PIP5K1A: variants seen among roughly 807,000 people sequenced by gnomAD.
PIP5K1A encodes the protein phosphatidylinositol-4-phosphate 5-kinase type 1 alpha.
In PIP5K1A, 46 loss-of-function variants were observed where a neutral mutation model predicts 72.9. That is an observed-to-expected ratio of 0.63 (90% CI 0.50 to 0.81). The LOEUF (loss-of-function observed/expected upper bound fraction) is 0.81. Ranked by LOEUF, PIP5K1A falls within the 30% of genes least tolerant of loss-of-function variation. The pLI, the probability that PIP5K1A is intolerant of heterozygous loss-of-function variation, is 0.00. For missense variants in PIP5K1A, 458 were observed against 706.1 expected, an observed-to-expected ratio of 0.65 and a Z score of 3.98; for synonymous variants, 228 against 255.1, an observed-to-expected ratio of 0.89 and a Z score of 1.01.
At chr1:151,221,568 T>A (rs376876965) in intron 1 of PIP5K1A, among the ~76,000 whole-genome samples, 10 of 152,318 alleles carry the variant, frequency 6.6e-5, no homozygotes, top group African/African-American at 2.2e-4. Flanking sequence ...GGTCTCAAGA[T>A]TCTCAGACAA....
intron 1 of PIP5K1A, among the ~76,000 whole-genome samples, chr1:151,201,476 A>G (rs1685206882): frequency 6.6e-6 from 1 of 151,884 alleles, no homozygotes; most frequent in Non-Finnish European, 1.5e-5. Context: ...CAGTCTCCCA[A>G]GTAGCTGGGA....
In PIP5K1A at chr1:151,227,394, T is replaced by C; in HGVS notation, c.231T>C (p.Tyr77=). 1 of 1,608,622 alleles carries C rather than the reference T, an allele frequency of 6.2e-7. No individual in the cohort carries two copies. The highest frequency in any genetic ancestry group is 8.5e-7 in the Non-Finnish European group (1 of 1,175,180). ...TTGATTCCTCAGGAGAGACAACATA[T>C]AAAAAGGTGTGTCTGGATGAAACCG... ...RSVDSSGETT[Y]KKTTSSALKG... is the part of the protein sequence containing the mutation. The change falls in exon 4 of 16, where the codon TAT becomes TAC. Residue 77 remains tyrosine, a synonymous_variant. Transcript: ENST00000368888.
intron 1 of PIP5K1A, among the ~76,000 whole-genome samples, chr1:151,207,768 G>A (rs1339374626): frequency 2.0e-5 from 3 of 151,558 alleles, no homozygotes; most frequent in Admixed American, 2.0e-4. Context: ...CTGACCTCGT[G>A]ATCTGCCTGC....
intron 4 of PIP5K1A, among the ~76,000 whole-genome samples, chr1:151,229,169 A>G (rs1689627120): frequency 1.5e-5 from 2 of 129,118 alleles, no homozygotes; most frequent in Non-Finnish European, 3.2e-5. Context: ...CCCCGTCTCA[A>G]AAAAAAAAAA....
chr1:151,219,673 G>C (rs959183209), intron 1 of PIP5K1A, among the ~76,000 whole-genome samples: 7 of 151,632 alleles, frequency 4.6e-5, no homozygotes, highest in African/African-American at 1.7e-4. Context: ...CAGTCTGGGC[G>C]ACAAGAGTGA....
intron 1 of PIP5K1A, among the ~76,000 whole-genome samples, chr1:151,210,176 GCCCGCCCTC>G (rs2102055882): frequency 6.6e-6 from 1 of 151,392 alleles, no homozygotes; most frequent in African/African-American, 2.4e-5. Flanking sequence ...GAGCCACTGC[GCCCGCCCTC>G]CCCGGCCCCC....
chr1:151,232,301 C>T lies in PIP5K1A; in HGVS notation c.422C>T (p.Thr141Ile). Residue 141 changes from threonine to isoleucine, a missense_variant, in exon 6 of 16, where the codon ACC becomes ATC. Transcript: ENST00000368888. ...AHHYNDFRFK[T>I]YAPVAFRYFR... Reference sequence around the variant, plus strand: ...CACTACAATGACTTTCGTTTCAAGACCTATGCACCTGTTGCCTTCCGCTAC... The same window carrying T: ...CACTACAATGACTTTCGTTTCAAGATCTATGCACCTGTTGCCTTCCGCTAC... 2 of 1,614,164 alleles carry T rather than the reference C, an allele frequency of 1.2e-6. No homozygotes were observed. The highest frequency in any genetic ancestry group is 1.7e-6 in the Non-Finnish European group (2 of 1,179,998).
chr1:151,232,225 G>A, intron 5 of PIP5K1A, 23 bp from the exon 6 acceptor site: 1 of 1,509,944 alleles, frequency 6.6e-7, no homozygotes, highest in South Asian at 1.1e-5. Flanking sequence ...GCAAGTTATG[G>A]CTACCTCTGT....
In PIP5K1A at chr1:151,241,800, C is replaced by CA. The variant is rs201895156; in HGVS notation, c.1364-306dup. On this transcript the variant is annotated intron_variant, in intron 12 of 15. Transcript: ENST00000368888. ...GGGCAACAAGAGCGAAACTCCATCT[C>CA]AAAAAAAAAAAAAAAAAGGAATTAT... Among the ~76,000 whole-genome samples, 583 of 59,822 alleles carry CA rather than the reference C, an allele frequency of 9.7e-3. 3 individuals are homozygous for CA. Among genetic ancestry groups the CA allele is most frequent in the Middle Eastern group, 0.037 (3 of 80 alleles). 39.2% of individuals were successfully genotyped at this position (59,822 alleles called of 152,430 possible).
chr1:151,241,268 G>A (rs587594456), intron 12 of PIP5K1A, among the ~76,000 whole-genome samples: 4 of 152,250 alleles, frequency 2.6e-5, no homozygotes, highest in South Asian at 2.1e-4. Flanking sequence ...TTAGGAGGCC[G>A]AGGAGGGCAG....
rs1393368735 is a variant in PIP5K1A at position 151,198,588 on chromosome 1, G to T, written c.-409G>T. 9.6e-6 allele frequency: 2 copies of T among 207,366 alleles called. No individual in the cohort carries two copies. The highest frequency in any genetic ancestry group is 1.0e-5 in the Non-Finnish European group (1 of 100,500). The allele number at this position is 207,366 out of a possible 1,614,324, so 12.8% of individuals were successfully genotyped here. On this transcript the variant is annotated 5_prime_UTR_variant, in exon 1 of 16. Coordinates refer to ENST00000368888, the MANE Select transcript of PIP5K1A (RefSeq NM_001135638.2). Reference sequence around the variant, plus strand: ...TGGCTACCCGGAGTGAAGCGGCCGGGTTGGGCGATTAACAGGCCGTGGTTA... The same window carrying T: ...TGGCTACCCGGAGTGAAGCGGCCGGTTTGGGCGATTAACAGGCCGTGGTTA...
At chr1:151,235,209 A>G (rs587685113) in intron 8 of PIP5K1A, among the ~76,000 whole-genome samples, 5 of 152,162 alleles carry the variant, frequency 3.3e-5, no homozygotes, top group African/African-American at 7.2e-5. Flanking sequence ...CAGCCTCCCA[A>G]GTAGCTGGGA....
Position 151,249,283 on chromosome 1 carries a change from GAATT to G in PIP5K1A, c.*1419_*1422del, listed in dbSNP as rs970599383. On this transcript the variant is annotated 3_prime_UTR_variant, in exon 16 of 16. Transcript: ENST00000368888. ...TGCCATGTTTTTTACAAGAAGGAAA[GAATT>G]CTTGCTATTTTTTTTTCATAATTTA... 8 of 151,966 alleles carry G rather than the reference GAATT, an allele frequency of 5.3e-5. No individual in the cohort carries two copies. The highest frequency in any genetic ancestry group is 4.6e-4 in the Admixed American group (7 of 15,246). 9.4% of individuals were successfully genotyped at this position (151,966 alleles called of 1,614,324 possible).
intron 3 of PIP5K1A, among the ~76,000 whole-genome samples, chr1:151,225,257 C>T (rs1274742648): frequency 6.6e-6 from 1 of 152,062 alleles, no homozygotes; most frequent in African/African-American, 2.4e-5. Context: ...CTGCAGTGAG[C>T]CATTATCACA....
At chr1:151,235,352 G>C (rs1690697648) in intron 8 of PIP5K1A, among the ~76,000 whole-genome samples, 2 of 152,192 alleles carry the variant, frequency 1.3e-5, no homozygotes, top group African/African-American at 4.8e-5. Context: ...CAAAGTGCTA[G>C]GATTACAGGT....
intron 9 of PIP5K1A, among the ~76,000 whole-genome samples, chr1:151,237,166 G>GA (rs1268043478): frequency 6.6e-6 from 1 of 152,128 alleles, no homozygotes; most frequent in Non-Finnish European, 1.5e-5. Context: ...CCAGCTTCTG[G>GA]AAAGGAGTAG....
chr1:151,222,603 T>A (rs1006126551), intron 1 of PIP5K1A, among the ~76,000 whole-genome samples: 10 of 152,198 alleles, frequency 6.6e-5, no homozygotes, highest in African/African-American at 2.4e-4. Flanking sequence ...ACTACCAGAC[T>A]AGAAGCAGAT....
At chr1:151,246,013 G>T (rs920235595) in intron 14 of PIP5K1A, among the ~76,000 whole-genome samples, 7 of 152,112 alleles carry the variant, frequency 4.6e-5, no homozygotes, top group African/African-American at 2.4e-5. Context: ...TTGGGAGGCC[G>T]AGGAGGGCGG....
At chr1:151,208,828 G>A (rs1303698703) in intron 1 of PIP5K1A, among the ~76,000 whole-genome samples, 1 of 140,484 alleles carries the variant, frequency 7.1e-6, no homozygotes, top group East Asian at 2.2e-4. Flanking sequence ...CGCCTCCTGG[G>A]TTCACGCCAT....
Sources: gnomAD v4.1 joint callset for allele counts (sites outside exome capture counted in the v4.1 genomes callset) on GRCh38, gnomAD v4.1.1 for gene constraint, MANE v1.5 for transcripts, NCBI Gene and HGNC (gene_info 2026-07-23, HGNC 2026-07-21) for gene names.